The following ACAD11 variants were observed in gnomAD, a reference collection of about 807,000 sequenced individuals.
ACAD11 encodes acyl-Coenzyme A dehydrogenase family, member 11.
ACAD11 carries 83 observed loss-of-function variants against 102.2 expected under a neutral mutation model. The observed-to-expected ratio is 0.81, with a 90% CI of 0.68 to 0.97. The LOEUF (loss-of-function observed/expected upper bound fraction) is 0.97, where lower values mean the gene tolerates loss of function less well. ACAD11 is among the 50% of genes least tolerant of loss of function. The pLI is 0.00. For missense variants in ACAD11, 901 were observed against 951.7 expected, an observed-to-expected ratio of 0.95 and a Z score of 0.70; for synonymous variants, 324 against 319.8, an observed-to-expected ratio of 1.01 and a Z score of -0.14.
intron 19 of ACAD11, among the ~76,000 whole-genome samples, 193 bp from the exon 20 acceptor site, chr3:132,559,278 GA>G (rs1219228328): frequency 1.3e-5 from 2 of 152,124 alleles, no homozygotes; most frequent in Non-Finnish European, 2.9e-5. Flanking sequence ...TCCAACTTGG[GA>G]AAGTTAAATG....
chr3:132,579,675 T>C (rs1022388648), intron 13 of ACAD11, 117 bp from the exon 14 acceptor site: 2 of 713,660 alleles, frequency 2.8e-6, no homozygotes, highest in South Asian at 1.8e-5. Flanking sequence ...AGAGAGAACA[T>C]TCCTGATTCA....
intron 1 of ACAD11, among the ~76,000 whole-genome samples, chr3:132,651,099 G>A (rs569424107): frequency 1.3e-5 from 2 of 152,158 alleles, no homozygotes; most frequent in Middle Eastern, 3.2e-3. Context: ...TTAAGTGGTA[G>A]ATGTTTTTCC....
At chr3:132,624,150 G>A (rs1939711707) in intron 9 of ACAD11, among the ~76,000 whole-genome samples, 1 of 151,636 alleles carries the variant, frequency 6.6e-6, no homozygotes, top group Admixed American at 6.6e-5. Context: ...ACAAAAAAAT[G>A]TAAAATTTAG....
At chr3:132,618,836 T>G in intron 10 of ACAD11, 64 bp from the exon 11 acceptor site, 1 of 1,385,380 alleles carries the variant, frequency 7.2e-7, no homozygotes, top group Non-Finnish European at 9.5e-7. Context: ...AGTTTATTTC[T>G]TTTTTTAAAT....
At chr3:132,572,519 T>C (rs146904204) in intron 17 of ACAD11, among the ~76,000 whole-genome samples, 1 of 152,278 alleles carries the variant, frequency 6.6e-6, no homozygotes, top group East Asian at 1.9e-4. Context: ...CCAATGACAC[T>C]CTTCAAAGAA....
chr3:132,603,192 C>A, intron 13 of ACAD11, 37 bp downstream of exon 13: 1 of 1,448,964 alleles, frequency 6.9e-7, no homozygotes, highest in East Asian at 2.3e-5. Flanking sequence ...AACAAAGGAT[C>A]AGTGTGTTAG....
intron 12 of ACAD11, among the ~76,000 whole-genome samples, chr3:132,603,660 G>C (rs957885334): frequency 6.6e-6 from 1 of 152,170 alleles, no homozygotes; most frequent in East Asian, 1.9e-4. Flanking sequence ...TCTCACAATG[G>C]AGATATGTAC....
intron 1 of ACAD11, among the ~76,000 whole-genome samples, chr3:132,652,121 T>C (rs1256755706): frequency 6.6e-6 from 1 of 152,156 alleles, no homozygotes; most frequent in Non-Finnish European, 1.5e-5. Flanking sequence ...AATTCCCAAT[T>C]CCCATGTATC....
At chr3:132,622,499 ATC>A (rs1939646713) in intron 9 of ACAD11, among the ~76,000 whole-genome samples, 1 of 152,140 alleles carries the variant, frequency 6.6e-6, no homozygotes, top group African/African-American at 2.4e-5. Flanking sequence ...ACCTTTTCTC[ATC>A]TCTGACCACA....
chr3:132,577,654 C>A (rs1937541776), intron 15 of ACAD11, among the ~76,000 whole-genome samples: 1 of 152,148 alleles, frequency 6.6e-6, no homozygotes, highest in Admixed American at 6.5e-5. Context: ...CACCCCTTCT[C>A]CCTGCCAAGT....
chr3:132,559,158 C>T, intron 19 of ACAD11, 73 bp from the exon 20 acceptor site: 2 of 1,025,012 alleles, frequency 2.0e-6, no homozygotes, highest in Non-Finnish European at 3.0e-6. Context: ...ATCAGTCACT[C>T]TGATTGTCAA....
intron 9 of ACAD11, among the ~76,000 whole-genome samples, chr3:132,626,054 C>G (rs1939794686): frequency 6.6e-6 from 1 of 152,286 alleles, no homozygotes; most frequent in Admixed American, 6.5e-5. Flanking sequence ...CAACATTTAT[C>G]ATCTCTTATT....
rs138821780 is a variant in ACAD11 at position 132,583,063 on chromosome 3, A to T, written c.1622-3505T>A. 7.0e-4 allele frequency among the ~76,000 whole-genome samples: 106 copies of T among 152,328 alleles called. 1 individual carries two copies. Among genetic ancestry groups the T allele is most frequent in the African/African-American group, 2.0e-3 (83 of 41,574 alleles). On this transcript the variant is annotated intron_variant, in intron 13 of 19. Coordinates refer to ENST00000264990, the MANE Select transcript of ACAD11 (RefSeq NM_032169.5). ...TTGGTATCAGGATGATGCTGGCCTC[A>T]TAAAATGAGTTAGGGAGGATTCCCT...
intron 11 of ACAD11, among the ~76,000 whole-genome samples, chr3:132,609,957 T>G (rs879172576): frequency 6.6e-6 from 1 of 152,208 alleles, no homozygotes; most frequent in Admixed American, 6.5e-5. Flanking sequence ...ATCCCTGGGA[T>G]GCAAGGCTGG....
chr3:132,603,471 C>T, intron 12 of ACAD11, 144 bp from the exon 13 acceptor site: 1 of 650,182 alleles, frequency 1.5e-6, no homozygotes, highest in South Asian at 1.9e-5. Context: ...TTTCCCATAA[C>T]CTACACACAG....
rs764954385 is a variant in ACAD11, at chr3:132,626,701, G to A, written c.1187C>T (p.Pro396Leu). 3 of 1,613,490 alleles carry A rather than the reference G, an allele frequency of 1.9e-6. No individual in the cohort carries two copies. The highest frequency in any genetic ancestry group is 2.2e-5 in the South Asian group (2 of 91,062). The stretch of plus-strand genomic sequence containing the variant: ...TTATATAATACTCACCTTTTCAGCT[G>A]GAAGAATGTGTTGTTTCATGAAATG... ...VKHFMKQHIL[P>L]AEKEVTEFYV... is the part of the protein sequence containing the mutation. The change falls in exon 9 of 20, where the codon CCA becomes CTA. Residue 396 changes from proline to leucine, a missense_variant. By Grantham distance (98) the Pro-to-Leu change is moderately conservative (BLOSUM62 -3). Transcript: ENST00000264990.
intron 17 of ACAD11, among the ~76,000 whole-genome samples, chr3:132,571,529 C>T (rs530243443): frequency 6.6e-6 from 1 of 152,082 alleles, no homozygotes; most frequent in Admixed American, 6.6e-5. Flanking sequence ...TCAATTTTTG[C>T]TTTTTTTGTA....
At chr3:132,612,744 G>T (rs907835290) in intron 11 of ACAD11, among the ~76,000 whole-genome samples, 19 of 151,958 alleles carry the variant, frequency 1.3e-4, no homozygotes, top group Non-Finnish European at 2.5e-4. Flanking sequence ...TGGAGAGGAT[G>T]TGGAGAAATA....
chr3:132,649,663 T>A (rs756098662), intron 1 of ACAD11: 1 of 152,254 alleles, frequency 6.6e-6, no homozygotes, highest in Non-Finnish European at 1.5e-5. Context: ...GTCCTCCGTA[T>A]GCTGAGCGCC....
Sources: gnomAD v4.1 joint callset for allele counts (sites outside exome capture counted in the v4.1 genomes callset) on GRCh38, gnomAD v4.1.1 for gene constraint, MANE v1.5 for transcripts, NCBI Gene and HGNC (gene_info 2026-07-23, HGNC 2026-07-21) for gene names.